PDE4D: variants seen among roughly 807,000 people sequenced by gnomAD.
PDE4D encodes the protein 3',5'-cyclic-AMP phosphodiesterase 4D.
PDE4D carries 24 observed loss-of-function variants against 87.4 expected under a neutral mutation model. The observed-to-expected ratio is 0.27, with a 90% confidence interval of 0.20 to 0.39. The LOEUF is 0.39. Ranked by LOEUF, PDE4D falls within the 10% of genes least tolerant of loss-of-function variation. The pLI, the probability that PDE4D is intolerant of heterozygous loss-of-function variation, is 1.00. For synonymous variants in PDE4D, 384 were observed against 383.2 expected (o/e 1.00, Z -0.02); for missense variants, 714 against 1,041.0 (o/e 0.69, Z 4.32).
chr5:59,584,672 G>A (rs1249414194), intron 1 of PDE4D, among the ~76,000 whole-genome samples: 3 of 152,122 alleles, frequency 2.0e-5, no homozygotes, highest in African/African-American at 7.2e-5. Context: ...ATAATTGCAG[G>A]CATTCAAAGA....
Position 58,973,534 on chromosome 5 carries a change from C to G in PDE4D, c.*1130G>C, listed in dbSNP as rs991825244. ...ATGAACATCTAGTGACACAGCAAAA[C>G]GTTATTAGGAGATACTAAGTAGGAA... On this transcript the variant is annotated 3_prime_UTR_variant, in exon 15 of 15. Transcript: ENST00000340635. The G allele has an allele frequency of 6.6e-6, 1 of 152,464 alleles. No homozygotes were observed. The highest frequency in any genetic ancestry group is 1.9e-4 in the East Asian group (1 of 5,192). The allele number at this position is 152,464 out of a possible 1,614,324, so 9.4% of individuals were successfully genotyped here.
rs757175453 is a variant in PDE4D at position 58,977,321 on chromosome 5, T to C, written c.1577A>G (p.Asn526Ser). 300 of 1,611,180 alleles carry C rather than the reference T, an allele frequency of 1.9e-4. No individual in the cohort carries two copies. The highest frequency in any genetic ancestry group is 2.4e-4 in the Non-Finnish European group (278 of 1,179,182). ...ATGGTTCTCTAAGACTGAGGAATCATTGTACATCAAGGCAAGTTCAGAGTC... is the reference window on the plus strand; with the variant it reads ...ATGGTTCTCTAAGACTGAGGAATCACTGTACATCAAGGCAAGTTCAGAGTC... ...NTNSELALMY[N>S]DSSVLENHHL... Residue 526 changes from asparagine (N) to serine (S), a missense_variant, in exon 12 of 15, where the codon AAT (asparagine) becomes AGT (serine). Around this residue, in one of 7 missense-constraint regions of PDE4D, gnomAD observed 26 missense variants for 96.9 expected, o/e 0.27. Coordinates refer to ENST00000340635, the MANE Select transcript of PDE4D (RefSeq NM_001104631.2).
intron 1 of PDE4D, among the ~76,000 whole-genome samples, chr5:59,414,341 G>A (rs889558381): frequency 9.9e-5 from 15 of 152,172 alleles, no homozygotes; most frequent in Non-Finnish European, 2.9e-5. Context: ...ACCCAATCCT[G>A]AATTTGAAAC....
At chr5:59,094,255 G>T (rs892965726) in intron 5 of PDE4D, among the ~76,000 whole-genome samples, 3 of 136,514 alleles carry the variant, frequency 2.2e-5, no homozygotes, top group Admixed American at 7.4e-5. Flanking sequence ...AGGAGAGAAT[G>T]AGAGTGCTAA....
chr5:59,145,462 TTAC>T (rs1393821215), intron 5 of PDE4D, among the ~76,000 whole-genome samples: 1 of 152,192 alleles, frequency 6.6e-6, no homozygotes, highest in Non-Finnish European at 1.5e-5. Context: ...AACAGCTCGG[TTAC>T]TAAAAATGTA....
intron 2 of PDE4D, among the ~76,000 whole-genome samples, chr5:60,016,466 T>C (rs776673631): frequency 1.3e-5 from 2 of 152,186 alleles, no homozygotes; most frequent in Non-Finnish European, 2.9e-5. Flanking sequence ...CCACATCCAT[T>C]GACTCTTCCT....
chr5:59,499,307 CA>C (rs1381099327), intron 1 of PDE4D, among the ~76,000 whole-genome samples: 3 of 142,806 alleles, frequency 2.1e-5, no homozygotes, highest in Non-Finnish European at 4.5e-5. Context: ...ATGTCTACAT[CA>C]AGAAGATACA....
Position 58,976,351 on chromosome 5 carries a change from T to G in PDE4D, c.1829A>C (p.Gln610Pro). 6.2e-7 allele frequency: 1 copy of G among 1,611,630 alleles called. No homozygotes were observed. Among genetic ancestry groups the G allele is most frequent in the Non-Finnish European group, 8.5e-7 (1 of 1,179,002 alleles). The change falls in exon 13 of 15, where the codon CAG (glutamine) becomes CCG (proline). Residue 610 changes from glutamine (Q) to proline (P), a missense_variant and splice_region_variant. Coordinates refer to ENST00000340635, the MANE Select transcript of PDE4D (RefSeq NM_001104631.2). ...GAGCAAACTCAAACAAGGCTTTACC[T>G]GAATCCTATCGGAATAATTATCAAG... ...LLLDNYSDRI[Q>P]VLQNMVHCAD...
At chr5:59,910,420 C>G (rs1265150303) in intron 3 of PDE4D, among the ~76,000 whole-genome samples, 1 of 152,160 alleles carries the variant, frequency 6.6e-6, no homozygotes, top group Non-Finnish European at 1.5e-5. Flanking sequence ...AACAGATTTT[C>G]TTATTTTATG....
intron 1 of PDE4D, among the ~76,000 whole-genome samples, chr5:60,223,708 T>C (rs908531690): frequency 2.0e-5 from 3 of 152,266 alleles, no homozygotes; most frequent in East Asian, 1.9e-4. Flanking sequence ...GATTTTCTAA[T>C]TGGCTTACCG....
chr5:59,613,186 A>G (rs550535902), intron 1 of PDE4D, among the ~76,000 whole-genome samples: 1 of 152,310 alleles, frequency 6.6e-6, no homozygotes, highest in South Asian at 2.1e-4. Flanking sequence ...ATATTTTGAA[A>G]GAATGCTGGC....
intron 1 of PDE4D, among the ~76,000 whole-genome samples, chr5:60,187,027 A>G (rs1343985740): frequency 6.6e-6 from 1 of 152,182 alleles, no homozygotes; most frequent in Admixed American, 6.5e-5. Context: ...GAAACAGAGA[A>G]GTAAGGTTCA....
At chr5:60,146,112 G>T (rs1429423423) in intron 2 of PDE4D, among the ~76,000 whole-genome samples, 1 of 152,180 alleles carries the variant, frequency 6.6e-6, no homozygotes, top group East Asian at 1.9e-4. Flanking sequence ...TGCTCAGGAG[G>T]CTGAGACATG....
At chr5:59,774,856 G>A (rs2152614828) in intron 1 of PDE4D, among the ~76,000 whole-genome samples, 1 of 151,714 alleles carries the variant, frequency 6.6e-6, no homozygotes, top group South Asian at 2.1e-4. Context: ...CACCATGCCG[G>A]GCTAATTTTC....
At chr5:60,227,566 A>T (rs1219515741) in intron 1 of PDE4D, among the ~76,000 whole-genome samples, 1 of 125,834 alleles carries the variant, frequency 7.9e-6, no homozygotes, top group Non-Finnish European at 1.6e-5. Flanking sequence ...AAGGGAGGGA[A>T]GGGAGGAGGA....
intron 1 of PDE4D, among the ~76,000 whole-genome samples, chr5:60,269,356 T>C (rs1750580900): frequency 6.6e-6 from 1 of 152,224 alleles, no homozygotes; most frequent in Non-Finnish European, 1.5e-5. Flanking sequence ...TGTATTTATA[T>C]GGTATTAGGC....
At chr5:60,476,753 C>T (rs1748362006) in intron 1 of PDE4D, among the ~76,000 whole-genome samples, 1 of 152,200 alleles carries the variant, frequency 6.6e-6, no homozygotes, top group African/African-American at 2.4e-5. Context: ...CTCACTCCCT[C>T]ACTTCAGAAG....
intron 2 of PDE4D, among the ~76,000 whole-genome samples, chr5:60,131,170 T>A (rs1779534377): frequency 6.6e-6 from 1 of 152,222 alleles, no homozygotes; most frequent in Admixed American, 6.5e-5. Context: ...TTTCTTTCAT[T>A]TAATGTTTTC....
At chr5:59,897,227 A>G (rs1267748958), upstream of PDE4D, among the ~76,000 whole-genome samples, 1 of 152,134 alleles carries the variant, frequency 6.6e-6, no homozygotes, top group African/African-American at 2.4e-5. Context: ...CTGCAAATGC[A>G]TTTCAAATCT....
Sources: allele counts gnomAD v4.1 joint callset (sites outside exome capture counted in the v4.1 genomes callset), GRCh38; gene constraint gnomAD v4.1.1; regional missense constraint gnomAD v4.1.1; transcripts MANE v1.5; gene names NCBI Gene and HGNC (gene_info 2026-07-23, HGNC 2026-07-21).